The following PNPLA7 variants were observed in gnomAD, a reference collection of about 807,000 sequenced individuals.
PNPLA7 encodes patatin like domain 7, lysophospholipase, also known as patatin-like phospholipase domain-containing protein 7.
PNPLA7 carries 153 observed loss-of-function variants against 161.7 expected under a neutral mutation model. The observed-to-expected ratio is 0.95, with a 90% CI of 0.83 to 1.08. The LOEUF (loss-of-function observed/expected upper bound fraction) is 1.08. PNPLA7 is among the 50% of genes least tolerant of loss of function. The pLI, the probability that PNPLA7 is intolerant of heterozygous loss-of-function variation, is 0.00. For synonymous variants in PNPLA7, 809 were observed against 782.1 expected (o/e 1.03, Z -0.57); for missense variants, 1,739 against 1,856.6 (o/e 0.94, Z 1.16).
At chr9:137,545,727 A>G (rs1049174411) in intron 4 of PNPLA7, among the ~76,000 whole-genome samples, 10 of 152,354 alleles carry the variant, frequency 6.6e-5, no homozygotes, top group Non-Finnish European at 1.2e-4. Flanking sequence ...ATACAGAGAT[A>G]GGAGCTGAGG....
chr9:137,462,426 C>T (rs992043598), intron 30 of PNPLA7, 95 bp from the exon 31 acceptor site: 5 of 1,508,222 alleles, frequency 3.3e-6, no homozygotes, highest in Non-Finnish European at 4.4e-6. Flanking sequence ...GACCCATCCT[C>T]TGGGGTAGGT....
chr9:137,502,064 G>A (rs115992455), intron 14 of PNPLA7, among the ~76,000 whole-genome samples: 5,527 of 152,316 alleles, frequency 0.036, 127 homozygotes, highest in South Asian at 0.052. Context: ...AGTGGTGCTG[G>A]CATAGCCAGC....
intron 8 of PNPLA7, among the ~76,000 whole-genome samples, chr9:137,536,424 G>C (rs532515465): frequency 2.1e-4 from 32 of 152,162 alleles, no homozygotes; most frequent in African/African-American, 7.5e-4. Context: ...GGGGCTCCTA[G>C]CAGGGGCGCT....
At chr9:137,489,476 A>C (rs986858491) in intron 20 of PNPLA7, among the ~76,000 whole-genome samples, 1 of 149,516 alleles carries the variant, frequency 6.7e-6, no homozygotes, top group African/African-American at 2.4e-5. Flanking sequence ...GGCCACATCC[A>C]TGGTGACCCA....
In PNPLA7 at chr9:137,527,269, C is replaced by CA. The variant is rs1278081786; in HGVS notation, c.748-4413dup. Among the ~76,000 whole-genome samples the CA allele has an allele frequency of 2.2e-3, 262 of 117,424 alleles. 5 individuals carry two copies. The highest frequency in any genetic ancestry group is 2.2e-3 in the African/African-American group (68 of 31,038). 77.0% of individuals were successfully genotyped at this position (117,424 alleles called of 152,430 possible). On this transcript the variant is annotated intron_variant, in intron 8 of 34. Coordinates refer to ENST00000406427, the MANE Select transcript of PNPLA7 (RefSeq NM_001098537.3). ...GGAGACAGAGCAAGACTCCGACTCA[C>CA]AAAAAAAAAAACCACAAAAAAACAA...
At chr9:137,545,567 AAT>A (rs1327161764) in intron 4 of PNPLA7, among the ~76,000 whole-genome samples, 2 of 152,216 alleles carry the variant, frequency 1.3e-5, no homozygotes, top group Non-Finnish European at 2.9e-5. Flanking sequence ...AGTATAATAA[AAT>A]ATATAAAATA....
In PNPLA7 at chr9:137,524,600, G is replaced by A. The variant is rs188095278; in HGVS notation, c.748-1743C>T. Among the ~76,000 whole-genome samples, 53 of 152,374 alleles carry A rather than the reference G, an allele frequency of 3.5e-4. No individual in the cohort carries two copies. Among genetic ancestry groups the A allele is most frequent in the African/African-American group, 1.3e-3 (52 of 41,594 alleles). On this transcript the variant is annotated intron_variant, in intron 8 of 34. Coordinates refer to ENST00000406427, the MANE Select transcript of PNPLA7 (RefSeq NM_001098537.3). The surrounding 1 kb of genome is among the most constrained non-coding windows in gnomAD (Gnocchi z 4.4). ...TACCTAGGGATGGGACTTGTAGGTT[G>A]TACGGAACACGTATCCTCACATTTA... is the stretch of plus-strand genomic sequence containing the variant.
intron 14 of PNPLA7, among the ~76,000 whole-genome samples, chr9:137,504,656 G>C (rs1833815604): frequency 6.6e-6 from 1 of 152,194 alleles, no homozygotes; most frequent in Non-Finnish European, 1.5e-5. Flanking sequence ...AGCAATCGCA[G>C]CTTTTTAACA....
rs1407050196 is a variant in PNPLA7 at position 137,478,173 on chromosome 9, C to T, written c.2764-21G>A. On this transcript the variant is annotated intron_variant, in intron 24 of 34. Coordinates refer to ENST00000406427, the MANE Select transcript of PNPLA7 (RefSeq NM_001098537.3). The stretch of plus-strand genomic sequence containing the variant: ...TCCACCTGGGGGAGGAGCCGTCAGG[C>T]AGGGCTGGTGCAGGGCCCCACCCTC... 4 of 1,281,446 alleles carry T rather than the reference C, an allele frequency of 3.1e-6. No individual in the cohort carries two copies. The African/African-American group carries it at 4.6e-5, about 15-fold the overall frequency. The allele number at this position is 1,281,446 out of a possible 1,614,324, so 79.4% of individuals were successfully genotyped here. A position where few individuals can be genotyped will look rare whatever the true frequency, so the allele number is the denominator to read the frequency against.
intron 8 of PNPLA7, among the ~76,000 whole-genome samples, chr9:137,534,643 T>C (rs2132575344): frequency 6.6e-6 from 1 of 152,296 alleles, no homozygotes; most frequent in East Asian, 1.9e-4. Flanking sequence ...TGCTCAGTCC[T>C]CCTGCAGGGA....
Position 137,500,912 on chromosome 9 carries a change from G to A in PNPLA7, c.1552-16C>T, listed in dbSNP as rs1184349321. 1 of 1,549,750 alleles carries A rather than the reference G, an allele frequency of 6.5e-7. No individual in the cohort carries two copies. The highest frequency in any genetic ancestry group is 8.7e-7 in the Non-Finnish European group (1 of 1,151,514). ...TGCTGGCGTCCTGACACACGAGAGG[G>A]CTCAGGAGGCGCCGCGAGTGGCCGC... On this transcript the variant is annotated splice_polypyrimidine_tract_variant and intron_variant, in intron 15 of 34. Transcript: ENST00000406427. This position sits in a 1 kb window ranked among gnomAD's most constrained non-coding sequence, Gnocchi z 5.5.
chr9:137,548,662 G>C (rs1443926324), intron 1 of PNPLA7, among the ~76,000 whole-genome samples: 1 of 152,166 alleles, frequency 6.6e-6, no homozygotes, highest in African/African-American at 2.4e-5. Flanking sequence ...GCAGGAGAAT[G>C]GCGTGAACCC....
At chr9:137,494,496 CAG>C (rs1422632880) in intron 19 of PNPLA7, among the ~76,000 whole-genome samples, 2 of 152,240 alleles carry the variant, frequency 1.3e-5, no homozygotes, top group South Asian at 2.1e-4. Context: ...CACCACAACT[CAG>C]GGCACAGTTT....
At chr9:137,515,661 C>A in intron 11 of PNPLA7, 142 bp from the exon 12 acceptor site, 3 of 1,071,544 alleles carry the variant, frequency 2.8e-6, no homozygotes, top group Non-Finnish European at 3.9e-6. Flanking sequence ...CACCGGCCAC[C>A]AGGCCTCTGC....
chr9:137,503,600 AAGGAGGAAGAAGG>A (rs1222424070), intron 14 of PNPLA7, among the ~76,000 whole-genome samples: 3 of 101,044 alleles, frequency 3.0e-5, no homozygotes, highest in Non-Finnish European at 6.0e-5. Context: ...GGAGAAGGAG[AAGGAGGAAGAAGG>A]AGGAGGGAGA....
Position 137,516,329 on chromosome 9 carries a change from C to T in PNPLA7, c.1085-810G>A, listed in dbSNP as rs1277284108. On this transcript the variant is annotated intron_variant, in intron 11 of 34. Transcript: ENST00000406427. ...CAGGTGAAACGAGGAAGGAGCCTGG[C>T]CTTGCCGACCACACAGGCTGAAGGA... 5 of 984,262 alleles carry T rather than the reference C, an allele frequency of 5.1e-6. No individual in the cohort carries two copies. The East Asian group carries it at 4.6e-4, about 91-fold the overall frequency. The allele number at this position is 984,262 out of a possible 1,614,324, so 61.0% of individuals were successfully genotyped here.
Position 137,540,626 on chromosome 9 carries a change from G to C in PNPLA7, c.747+16C>G. 1 of 1,603,978 alleles carries C rather than the reference G, an allele frequency of 6.2e-7. No individual in the cohort carries two copies. Among genetic ancestry groups the C allele is most frequent in the Non-Finnish European group, 8.5e-7 (1 of 1,175,764 alleles). On this transcript the variant is annotated intron_variant, in intron 8 of 34. Coordinates refer to ENST00000406427, the MANE Select transcript of PNPLA7 (RefSeq NM_001098537.3). This position sits in a 1 kb window ranked among gnomAD's most constrained non-coding sequence, Gnocchi z 5.1. ...AACCCAGGGGCGCCCGGAGGGCCAG[G>C]CAGCGGGGGACTCACGGTGATGATG...
Position 137,498,185 on chromosome 9 carries a change from C to T in PNPLA7, c.1818G>A (p.Met606Ile). Residue 606 changes from methionine to isoleucine, a missense_variant, in exon 17 of 35, where the codon ATG becomes ATA. By Grantham distance (10) the Met-to-Ile change is conservative (BLOSUM62 1). Transcript: ENST00000406427. ...AGTCGATTTGCCGCACGAAGGACGA[C>T]ATCCTCTTCACCACAGTGTGCGCCA... ...LGVAHTVVKR[M>I]SSFVRQIDFA... 1 of 1,612,918 alleles carries T rather than the reference C, an allele frequency of 6.2e-7. No homozygotes were observed. Among genetic ancestry groups the T allele is most frequent in the Non-Finnish European group, 8.5e-7 (1 of 1,179,988 alleles).
At chr9:137,513,197 AAAT>A (rs1183857158) in intron 12 of PNPLA7, among the ~76,000 whole-genome samples, 3 of 152,038 alleles carry the variant, frequency 2.0e-5, no homozygotes, top group Non-Finnish European at 2.9e-5. Flanking sequence ...AAGCTAATAA[AAAT>A]AGTCTTTGAG....
Sources: allele counts gnomAD v4.1 joint callset (sites outside exome capture counted in the v4.1 genomes callset), GRCh38; gene constraint gnomAD v4.1.1; non-coding constraint Gnocchi (gnomAD v3.1); transcripts MANE v1.5; gene names NCBI Gene and HGNC (gene_info 2026-07-23, HGNC 2026-07-21).